ZMAT5: variants seen among roughly 807,000 people sequenced by gnomAD.
ZMAT5 encodes zinc finger matrin-type 5, also known as zinc finger matrin-type protein 5.
Under a neutral mutation model 28.0 loss-of-function variants are expected in ZMAT5, and 23 were observed. The observed-to-expected ratio is 0.82, with a 90% CI of 0.59 to 1.16. The LOEUF (loss-of-function observed/expected upper bound fraction) is 1.16. ZMAT5 is among the 50% of genes most tolerant of loss of function. The pLI is 0.00. For missense variants in ZMAT5, 173 were observed against 212.7 expected (o/e 0.81, Z 1.16); for synonymous variants, 76 against 84.1 (o/e 0.90, Z 0.52).
chr22:29,732,111 GC>G (rs1272886681), intron 5 of ZMAT5, among the ~76,000 whole-genome samples: 2 of 152,196 alleles, frequency 1.3e-5, no homozygotes, highest in African/African-American at 4.8e-5. Context: ...CCCAGCGATG[GC>G]CCCCCAACCA....
At chr22:29,736,790 T>C (rs140112) in intron 5 of ZMAT5, among the ~76,000 whole-genome samples, 80,624 of 144,460 alleles carry the variant, frequency 0.56, 22,680 homozygotes, top group East Asian at 0.61. Context: ...TTTGGGAGGC[T>C]GAGGCGGGTG....
At chr22:29,732,379 T>TA (rs1187719103) in intron 5 of ZMAT5, among the ~76,000 whole-genome samples, 2 of 152,182 alleles carry the variant, frequency 1.3e-5, no homozygotes, top group African/African-American at 2.4e-5. Context: ...GCCATTGAGT[T>TA]ACAGCAATAG....
chr22:29,742,607 T>G, intron 2 of ZMAT5, 127 bp from the exon 3 acceptor site: 2 of 851,712 alleles, frequency 2.3e-6, no homozygotes, highest in Non-Finnish European at 3.7e-6. Flanking sequence ...GAGTTTCCTG[T>G]TCCACGGAGG....
At chr22:29,753,568 A>G (rs2068073513) in intron 1 of ZMAT5, among the ~76,000 whole-genome samples, 1 of 152,128 alleles carries the variant, frequency 6.6e-6, no homozygotes, top group Non-Finnish European at 1.5e-5. Flanking sequence ...GCATGCCTGT[A>G]ATCCCAGCTA....
At chr22:29,754,816 A>C (rs189936281) in intron 1 of ZMAT5, among the ~76,000 whole-genome samples, 140 of 152,300 alleles carry the variant, frequency 9.2e-4, no homozygotes, top group African/African-American at 3.3e-3. Context: ...TCAAGGCTCC[A>C]GCCAGCTGAG....
intron 2 of ZMAT5, among the ~76,000 whole-genome samples, chr22:29,745,249 GGT>G (rs1426772368): frequency 6.6e-6 from 1 of 152,202 alleles, no homozygotes; most frequent in African/African-American, 2.4e-5. Context: ...GTTCTGAGGT[GGT>G]GGGGGGGCCT....
chr22:29,760,534 G>C (rs559309118), intron 1 of ZMAT5, among the ~76,000 whole-genome samples: 4 of 152,268 alleles, frequency 2.6e-5, no homozygotes, highest in Non-Finnish European at 5.9e-5. Context: ...GCAAGACTCT[G>C]TCTCAAAAAC....
intron 2 of ZMAT5, among the ~76,000 whole-genome samples, chr22:29,742,695 C>A (rs1352978066): frequency 6.6e-6 from 1 of 152,192 alleles, no homozygotes; most frequent in Non-Finnish European, 1.5e-5. Flanking sequence ...ATCCATCCCA[C>A]CCCACGCAGG....
intron 4 of ZMAT5, among the ~76,000 whole-genome samples, chr22:29,739,629 G>A (rs193081525): frequency 6.6e-6 from 1 of 152,282 alleles, no homozygotes; most frequent in Non-Finnish European, 1.5e-5. Flanking sequence ...TCCTGTCCCC[G>A]CTCGGCATCG....
intron 1 of ZMAT5, among the ~76,000 whole-genome samples, chr22:29,749,121 A>G (rs1004426089): frequency 6.6e-6 from 1 of 152,156 alleles, no homozygotes; most frequent in African/African-American, 2.4e-5. Context: ...TCTGTCACCC[A>G]GGGTGGAGTG....
chr22:29,743,652 G>A (rs182390150), intron 2 of ZMAT5, among the ~76,000 whole-genome samples: 9 of 152,152 alleles, frequency 5.9e-5, no homozygotes, highest in African/African-American at 1.9e-4. Context: ...GGCTGGTCTC[G>A]AACTCCTGGG....
intron 4 of ZMAT5, among the ~76,000 whole-genome samples, chr22:29,739,346 A>G (rs1421783231): frequency 6.6e-6 from 1 of 152,154 alleles, no homozygotes; most frequent in Non-Finnish European, 1.5e-5. Context: ...ACTCACTCAG[A>G]GCCAGGCCCC....
In ZMAT5 at chr22:29,761,494, A is replaced by T. The variant is rs200381510; in HGVS notation, c.-28+5378T>A. Among the ~76,000 whole-genome samples the T allele has an allele frequency of 3.3e-5, 5 of 151,392 alleles. No homozygotes were observed. The East Asian group carries it at 9.7e-4, about 29-fold the overall frequency. ...CCAGCTACTACTGCTCAAGAGGTTG[A>T]GGTAGGAGGATCGCTTGAGCCCAGG... On this transcript the variant is annotated intron_variant, in intron 1 of 5. Transcript: ENST00000344318.
intron 1 of ZMAT5, among the ~76,000 whole-genome samples, chr22:29,754,145 C>T (rs2068078821): frequency 6.6e-6 from 1 of 152,124 alleles, no homozygotes; most frequent in South Asian, 2.1e-4. Context: ...CTAAATGGCG[C>T]CCAGATACCA....
chr22:29,733,215 C>G (rs2067869936), intron 5 of ZMAT5, among the ~76,000 whole-genome samples: 1 of 152,258 alleles, frequency 6.6e-6, no homozygotes, highest in South Asian at 2.1e-4. Context: ...ACCCCAACAT[C>G]CAGCCTTCAG....
At chr22:29,744,218 G>A (rs573837315) in intron 2 of ZMAT5, among the ~76,000 whole-genome samples, 8 of 152,206 alleles carry the variant, frequency 5.3e-5, no homozygotes, top group South Asian at 2.1e-4. Flanking sequence ...CCAGGTATAC[G>A]GCCAAGACTG....
intron 5 of ZMAT5, among the ~76,000 whole-genome samples, chr22:29,737,025 CA>C (rs1406580047): frequency 0.016 from 1,182 of 73,912 alleles, 10 homozygotes; most frequent in Admixed American, 0.019. Flanking sequence ...GAATCCGTCT[CA>C]AAAAAAAAAA....
chr22:29,735,980 C>T (rs928558788), intron 5 of ZMAT5, among the ~76,000 whole-genome samples: 5 of 152,220 alleles, frequency 3.3e-5, no homozygotes, highest in Admixed American at 2.0e-4. Context: ...AACCTTGTCA[C>T]AGCCCCAAGA....
chr22:29,755,729 T>C (rs530402639), intron 1 of ZMAT5, among the ~76,000 whole-genome samples: 2 of 89,670 alleles, frequency 2.2e-5, no homozygotes, highest in South Asian at 8.5e-4. Context: ...TTAGTGTCAG[T>C]AACAATAATG....
Sources: allele counts gnomAD v4.1 joint callset (sites outside exome capture counted in the v4.1 genomes callset), GRCh38; gene constraint gnomAD v4.1.1; transcripts MANE v1.5; gene names NCBI Gene and HGNC (gene_info 2026-07-23, HGNC 2026-07-21).